Variants in XKR9 observed in about 807,000 individuals in gnomAD.
XKR9 encodes XK related 9.
In XKR9, 32 loss-of-function variants were observed where a neutral mutation model predicts 32.0. The ratio of observed to expected loss-of-function variants is 1.00; its 90% confidence interval spans 0.76 to 1.34. The LOEUF is 1.34. Ranked by LOEUF, XKR9 falls within the 40% of genes most tolerant of loss-of-function variation. XKR9 has a pLI of 0.00. For synonymous variants in XKR9, 168 were observed against 143.4 expected (o/e 1.17, Z -1.22); for missense variants, 546 against 429.7 (o/e 1.27, Z -2.39).
chr8:70,950,054 A>G, the XKR9 span, among the ~76,000 whole-genome samples: 1 of 152,182 alleles, frequency 6.6e-6, no homozygotes, highest in Admixed American at 6.5e-5. Context: ...AGTTAAGAAA[A>G]CATGCTTTGG....
chr8:70,840,866 TA>T, the XKR9 span, among the ~76,000 whole-genome samples: 1 of 152,256 alleles, frequency 6.6e-6, no homozygotes, highest in South Asian at 2.1e-4. Flanking sequence ...TTTTACTCCC[TA>T]AAAAAATTGA....
the XKR9 span, among the ~76,000 whole-genome samples, chr8:70,949,958 A>T: frequency 6.6e-6 from 1 of 152,240 alleles, no homozygotes; most frequent in African/African-American, 2.4e-5. Context: ...GCTAGTAAGT[A>T]GCAGTGCCTG....
chr8:70,854,948 T>A, the XKR9 span, among the ~76,000 whole-genome samples: 1 of 152,014 alleles, frequency 6.6e-6, no homozygotes, highest in Non-Finnish European at 1.5e-5. Flanking sequence ...TTTGAAGTCA[T>A]GTAGCATGAT....
the XKR9 span, among the ~76,000 whole-genome samples, chr8:70,957,562 T>A: frequency 6.6e-6 from 1 of 152,022 alleles, no homozygotes; most frequent in Non-Finnish European, 1.5e-5. Context: ...CAGGCCCCAG[T>A]GTGTATTGTT....
chr8:70,718,962 A>G (rs1327324867), intron 4 of XKR9, among the ~76,000 whole-genome samples: 3 of 152,116 alleles, frequency 2.0e-5, no homozygotes, highest in Admixed American at 6.5e-5. Flanking sequence ...ATTTCTCCAG[A>G]TACTCTCCAG....
the XKR9 span, among the ~76,000 whole-genome samples, chr8:70,851,536 T>C: frequency 3.9e-5 from 6 of 152,128 alleles, no homozygotes; most frequent in African/African-American, 1.4e-4. Flanking sequence ...CAAACTATAC[T>C]ACAAGACTAC....
the XKR9 span, among the ~76,000 whole-genome samples, chr8:71,048,417 A>G: frequency 6.6e-6 from 1 of 152,108 alleles, no homozygotes; most frequent in Non-Finnish European, 1.5e-5. Context: ...TCTATTAATA[A>G]TAGGTATATT....
At chr8:70,766,249 C>T (rs12680103) in intron 2 of XKR9, among the ~76,000 whole-genome samples, 61,245 of 151,940 alleles carry the variant, frequency 0.4, 13,871 homozygotes, top group Non-Finnish European at 0.52. Context: ...ATGGAATGTT[C>T]TTCCACTTGT....
intron 3 of XKR9, among the ~76,000 whole-genome samples, chr8:70,682,107 T>C: frequency 6.6e-6 from 1 of 152,152 alleles, no homozygotes; most frequent in East Asian, 1.9e-4. Flanking sequence ...AAACAGAATG[T>C]GCAGTGAGAA....
chr8:70,732,400 C>A (rs1806700921), intron 4 of XKR9, among the ~76,000 whole-genome samples: 1 of 152,218 alleles, frequency 6.6e-6, no homozygotes, highest in Admixed American at 6.5e-5. Flanking sequence ...GGGTGGGCAG[C>A]ACCCTGCCAA....
chr8:70,848,823 T>C, the XKR9 span, among the ~76,000 whole-genome samples: 1 of 148,206 alleles, frequency 6.7e-6, no homozygotes, highest in African/African-American at 2.5e-5. Flanking sequence ...AAACAGACTT[T>C]AAACCAACAA....
At chr8:70,752,098 C>G (rs774024047) in intron 2 of XKR9, among the ~76,000 whole-genome samples, 16 of 152,162 alleles carry the variant, frequency 1.1e-4, no homozygotes, top group Non-Finnish European at 1.8e-4. Flanking sequence ...AACTCTCACT[C>G]CTCCACCCCA....
At chr8:70,745,196 G>C (rs1563465473) in intron 2 of XKR9, among the ~76,000 whole-genome samples, 1 of 131,008 alleles carries the variant, frequency 7.6e-6, no homozygotes, top group Non-Finnish European at 1.8e-5. Flanking sequence ...AGATGTTTTG[G>C]CTAAATAGTA....
At chr8:70,697,950 A>G (rs1196941446) in intron 3 of XKR9, among the ~76,000 whole-genome samples, 4 of 151,668 alleles carry the variant, frequency 2.6e-5, no homozygotes, top group African/African-American at 9.7e-5. Flanking sequence ...CATTTCTTCT[A>G]GATTTTCTAG....
At chr8:70,851,964 A>T in the XKR9 span, among the ~76,000 whole-genome samples, 3 of 152,272 alleles carry the variant, frequency 2.0e-5, no homozygotes, top group African/African-American at 7.2e-5. Flanking sequence ...GCTTCTGCAC[A>T]GCAAAAGAAA....
chr8:70,702,150 T>TC lies in XKR9; in HGVS notation c.273-4782dup, dbSNP rs559458883. On this transcript the variant is annotated intron_variant, in intron 3 of 4. Coordinates refer to ENST00000408926, the MANE Select transcript of XKR9 (RefSeq NM_001011720.2). Reference sequence around the variant, plus strand: ...CAATTTAAAACGCCTTAGAGAGAGGTCATGTAGTTATGTTCAAATTTATTA... The same window carrying TC: ...CAATTTAAAACGCCTTAGAGAGAGGTCCATGTAGTTATGTTCAAATTTATTA... Among the ~76,000 whole-genome samples the TC allele has an allele frequency of 3.3e-5, 5 of 152,092 alleles. No homozygotes were observed. In the South Asian group the frequency reaches 8.3e-4, roughly 25 times the overall value.
intron 4 of XKR9, among the ~76,000 whole-genome samples, chr8:70,732,087 G>A (rs1255586655): frequency 1.3e-5 from 2 of 152,084 alleles, no homozygotes; most frequent in Non-Finnish European, 2.9e-5. Context: ...CCCACAGTGG[G>A]GCTATAGACA....
chr8:71,042,578 G>A, the XKR9 span, among the ~76,000 whole-genome samples: 3 of 152,244 alleles, frequency 2.0e-5, no homozygotes, highest in African/African-American at 7.2e-5. Context: ...TGTAGTAAGT[G>A]CTGTGTATTT....
the XKR9 span, among the ~76,000 whole-genome samples, chr8:70,869,369 G>C: frequency 6.6e-6 from 1 of 152,180 alleles, no homozygotes; most frequent in African/African-American, 2.4e-5. Context: ...ATGGCAGAAG[G>C]CAAGAAAGAG....
Sources: gnomAD v4.1 joint callset for allele counts (sites outside exome capture counted in the v4.1 genomes callset) on GRCh38, gnomAD v4.1.1 for gene constraint, MANE v1.5 for transcripts, NCBI Gene and HGNC (gene_info 2026-07-23, HGNC 2026-07-21) for gene names.